The following SH3PXD2B variants were observed in gnomAD, a reference collection of about 807,000 sequenced individuals.
SH3PXD2B encodes SH3 and PX domain-containing protein 2B.
Under a neutral mutation model 73.1 loss-of-function variants are expected in SH3PXD2B, and 37 were observed. That is an observed-to-expected ratio of 0.51 (90% CI 0.39 to 0.67). The LOEUF is 0.67. Ranked by LOEUF, SH3PXD2B falls within the 30% of genes least tolerant of loss-of-function variation. The pLI is 0.00. For missense variants in SH3PXD2B, 1,053 were observed against 1,197.8 expected (o/e 0.88, Z 1.78); for synonymous variants, 457 against 480.5 (o/e 0.95, Z 0.64).
intron 7 of SH3PXD2B, among the ~76,000 whole-genome samples, chr5:172,360,297 TCAC>T (rs1757369164): frequency 6.6e-6 from 1 of 152,246 alleles, no homozygotes; most frequent in African/African-American, 2.4e-5. Flanking sequence ...TGCTAGATCC[TCAC>T]CACAGCCTTA....
At chr5:172,403,608 C>T (rs1189618731) in intron 3 of SH3PXD2B, among the ~76,000 whole-genome samples, 1 of 152,192 alleles carries the variant, frequency 6.6e-6, no homozygotes, top group Non-Finnish European at 1.5e-5. Flanking sequence ...ACCATGAAAG[C>T]TTTTAAGAGC....
rs1166306106 is a variant in SH3PXD2B, at chr5:172,337,578, G to A, written c.*791C>T. On this transcript the variant is annotated 3_prime_UTR_variant, in exon 13 of 13. Coordinates refer to ENST00000311601, the MANE Select transcript of SH3PXD2B (RefSeq NM_001017995.3). ...ACAAACTTTGAGATTCTTGCTTTAG[G>A]TAGGCAAAAATGAAATGCTCCAAGT... 1.0e-6 allele frequency: 1 copy of A among 985,448 alleles called. No individual in the cohort carries two copies. The highest frequency in any genetic ancestry group is 1.2e-6 in the Non-Finnish European group (1 of 830,036). The allele number at this position is 985,448 out of a possible 1,614,324, so 61.0% of individuals were successfully genotyped here.
At chr5:172,404,318 T>TATA (rs1561925414) in intron 3 of SH3PXD2B, among the ~76,000 whole-genome samples, 1 of 150,650 alleles carries the variant, frequency 6.6e-6, no homozygotes, top group African/African-American at 2.5e-5. Flanking sequence ...ATATATATAT[T>TATA]TTTTTTTGAG....
chr5:172,394,127 A>G (rs768877550), intron 4 of SH3PXD2B, among the ~76,000 whole-genome samples: 7 of 151,998 alleles, frequency 4.6e-5, no homozygotes, highest in Non-Finnish European at 5.9e-5. Context: ...TATTTTTAGT[A>G]TAGATGGGGT....
At position 172,336,498 on chromosome 5, in the gene SH3PXD2B, A is replaced by T. The variant is rs1412350310; in HGVS notation, c.*1871T>A. ...AAAGATGCTACAGGTGATCAGAGGA[A>T]GCTCCTCACGCAGAAGCAGCCAGCA... On this transcript the variant is annotated 3_prime_UTR_variant, in exon 13 of 13. Transcript: ENST00000311601. 1 of 984,688 alleles carries T rather than the reference A, an allele frequency of 1.0e-6. No individual in the cohort carries two copies. The highest frequency in any genetic ancestry group is 1.2e-6 in the Non-Finnish European group (1 of 829,896). 61.0% of individuals were successfully genotyped at this position (984,688 alleles called of 1,614,324 possible).
chr5:172,420,696 C>A (rs1247818356), intron 2 of SH3PXD2B, among the ~76,000 whole-genome samples: 1 of 152,222 alleles, frequency 6.6e-6, no homozygotes, highest in Non-Finnish European at 1.5e-5. Context: ...CCCCGGCAAG[C>A]CCATTGGCTG....
chr5:172,430,613 C>T (rs1250125932), intron 1 of SH3PXD2B, among the ~76,000 whole-genome samples: 1 of 152,202 alleles, frequency 6.6e-6, no homozygotes, highest in South Asian at 2.1e-4. Context: ...TCCTCCTCCA[C>T]TTATGGTTGA....
intron 1 of SH3PXD2B, among the ~76,000 whole-genome samples, chr5:172,437,112 G>A (rs1759408923): frequency 6.6e-6 from 1 of 152,180 alleles, no homozygotes; most frequent in Non-Finnish European, 1.5e-5. Context: ...CAGGCCCAAG[G>A]TGGATAAGTA....
rs145594520 is a variant in SH3PXD2B at position 172,433,668 on chromosome 5, G to A, written c.76-11172C>T. 1.1e-4 allele frequency among the ~76,000 whole-genome samples: 16 copies of A among 152,280 alleles called. No individual in the cohort carries two copies. In the East Asian group the frequency reaches 1.9e-3, roughly 18 times the overall value. ...GTGGGAGAACACTGGCTCACCGGCC[G>A]GGAAGCCAGCAGATGGGCCCCAACC... is the stretch of plus-strand genomic sequence containing the variant. On this transcript the variant is annotated intron_variant, in intron 1 of 12. Coordinates refer to ENST00000311601, the MANE Select transcript of SH3PXD2B (RefSeq NM_001017995.3).
In SH3PXD2B at chr5:172,442,209, A is replaced by G. The variant is rs1475344596; in HGVS notation, c.75+12069T>C. On this transcript the variant is annotated intron_variant, in intron 1 of 12. Coordinates refer to ENST00000311601, the MANE Select transcript of SH3PXD2B (RefSeq NM_001017995.3). ...GGAGGTTGGGTAACTTGTTCAACCT[A>G]GGAATCAAACAGGCTGACTGCACGG... Among the ~76,000 whole-genome samples the G allele has an allele frequency of 2.0e-5, 3 of 152,222 alleles. No individual in the cohort carries two copies. In the East Asian group the frequency reaches 5.8e-4, roughly 29 times the overall value.
At chr5:172,432,143 A>T (rs1244618574) in intron 1 of SH3PXD2B, among the ~76,000 whole-genome samples, 1 of 152,232 alleles carries the variant, frequency 6.6e-6, no homozygotes, top group East Asian at 1.9e-4. Context: ...ACTGCCCTCC[A>T]GCCTGGACAA....
intron 1 of SH3PXD2B, among the ~76,000 whole-genome samples, chr5:172,425,201 G>A (rs1406036281): frequency 2.0e-5 from 3 of 152,056 alleles, no homozygotes; most frequent in African/African-American, 7.3e-5. Context: ...GATTTTGAAT[G>A]GTTTCCATTC....
chr5:172,328,247 A>G (rs1008182488), intron 12 of SH3PXD2B, among the ~76,000 whole-genome samples: 2 of 151,706 alleles, frequency 1.3e-5, no homozygotes, highest in Middle Eastern at 3.4e-3. Flanking sequence ...CTGGGACTAC[A>G]GGCGTGTGCC....
At chr5:172,424,731 A>C (rs2113469181) in intron 1 of SH3PXD2B, among the ~76,000 whole-genome samples, 1 of 152,334 alleles carries the variant, frequency 6.6e-6, no homozygotes, top group East Asian at 1.9e-4. Context: ...TCTAGAGTCA[A>C]GAAGCTCTGG....
chr5:172,439,288 AAAACCCC>A (rs1759483482), intron 1 of SH3PXD2B, among the ~76,000 whole-genome samples: 3 of 60,292 alleles, frequency 5.0e-5, no homozygotes, highest in Admixed American at 1.5e-4. Context: ...AAACAAAAAA[AAAACCCC>A]AAAAAAAAAC....
chr5:172,350,027 G>A (rs1319477763), intron 10 of SH3PXD2B, among the ~76,000 whole-genome samples: 1 of 152,116 alleles, frequency 6.6e-6, no homozygotes, highest in African/African-American at 2.4e-5. Flanking sequence ...GCTAATTTTT[G>A]TATTTTTAGT....
At position 172,339,933 on chromosome 5, in the gene SH3PXD2B, A is replaced by G. The variant is rs1489967276; in HGVS notation, c.1189-17T>C. On this transcript the variant is annotated splice_polypyrimidine_tract_variant and intron_variant, in intron 12 of 12. Transcript: ENST00000311601. This position sits in a 1 kb window ranked among gnomAD's most constrained non-coding sequence, Gnocchi z 6.1. The stretch of plus-strand genomic sequence containing the variant: ...CTCGATCACCTGCAAGGGAGGATAG[A>G]GAAAGGCACTTGGCTACGATGCCAG... 6.2e-7 allele frequency: 1 copy of G among 1,614,188 alleles called. No individual in the cohort carries two copies. Among genetic ancestry groups the G allele is most frequent in the African/African-American group, 1.3e-5 (1 of 75,078 alleles).
chr5:172,414,983 A>G (rs538973281), intron 2 of SH3PXD2B, among the ~76,000 whole-genome samples: 1 of 152,300 alleles, frequency 6.6e-6, no homozygotes, highest in South Asian at 2.1e-4. Context: ...CACCTCCTCC[A>G]GCAAGTGAGC....
chr5:172,395,685 A>G (rs1758277383), intron 3 of SH3PXD2B, among the ~76,000 whole-genome samples: 1 of 152,214 alleles, frequency 6.6e-6, no homozygotes, highest in South Asian at 2.1e-4. Flanking sequence ...CTAAGGGTTA[A>G]GACCACATGA....
Sources: allele counts gnomAD v4.1 joint callset (sites outside exome capture counted in the v4.1 genomes callset), GRCh38; gene constraint gnomAD v4.1.1; non-coding constraint Gnocchi (gnomAD v3.1); transcripts MANE v1.5; gene names NCBI Gene and HGNC (gene_info 2026-07-23, HGNC 2026-07-21).